Variants in HOOK3 observed in about 807,000 individuals in gnomAD.
The protein encoded by HOOK3 is protein Hook homolog 3.
HOOK3 carries 24 observed loss-of-function variants against 116.3 expected under a neutral mutation model. That is an observed-to-expected ratio of 0.21 (90% CI 0.15 to 0.29). HOOK3 has a LOEUF of 0.29. HOOK3 is among the 10% of genes least tolerant of loss of function. The pLI, the probability that HOOK3 is intolerant of heterozygous loss-of-function variation, is 1.00. For missense variants in HOOK3, 632 were observed against 830.2 expected, an observed-to-expected ratio of 0.76 and a Z score of 2.93; for synonymous variants, 275 against 283.0, an observed-to-expected ratio of 0.97 and a Z score of 0.28.
intron 6 of HOOK3, among the ~76,000 whole-genome samples, chr8:42,953,739 G>A (rs184567673): frequency 1.3e-5 from 2 of 151,946 alleles, no homozygotes; most frequent in Admixed American, 6.6e-5. Flanking sequence ...ACTTAAAGTG[G>A]TTAAAATGGC....
At chr8:42,907,549 G>T (rs904652729) in intron 2 of HOOK3, among the ~76,000 whole-genome samples, 1 of 151,974 alleles carries the variant, frequency 6.6e-6, no homozygotes, top group Non-Finnish European at 1.5e-5. Flanking sequence ...CCTAATTTTA[G>T]CTTTCCCATT....
At chr8:42,993,517 A>G (rs1809207004) in intron 15 of HOOK3, among the ~76,000 whole-genome samples, 1 of 152,128 alleles carries the variant, frequency 6.6e-6, no homozygotes, top group Admixed American at 6.6e-5. Flanking sequence ...AATATTTGCC[A>G]CATAGAATGA....
intron 8 of HOOK3, 46 bp downstream of exon 8, chr8:42,959,360 T>C (rs757372547): frequency 5.9e-6 from 7 of 1,179,796 alleles, no homozygotes; most frequent in Non-Finnish European, 8.9e-6. Flanking sequence ...CATACCACTG[T>C]AAATACCACC....
chr8:42,989,942 T>C (rs1809124761), intron 15 of HOOK3, among the ~76,000 whole-genome samples: 1 of 152,212 alleles, frequency 6.6e-6, no homozygotes, highest in Non-Finnish European at 1.5e-5. Flanking sequence ...GGCTAAATAG[T>C]GCTACATTGT....
chr8:42,994,262 C>A (rs188675823), intron 15 of HOOK3, among the ~76,000 whole-genome samples: 356 of 151,980 alleles, frequency 2.3e-3, no homozygotes, highest in African/African-American at 8.4e-3. Context: ...GTGATCCACC[C>A]ACATTGGCCT....
At chr8:42,943,785 T>C (rs1808173164) in intron 5 of HOOK3, among the ~76,000 whole-genome samples, 1 of 152,206 alleles carries the variant, frequency 6.6e-6, no homozygotes, top group Non-Finnish European at 1.5e-5. Context: ...GTTTAATAGA[T>C]ATTCAGGTCT....
chr8:43,006,196 A>G (rs1357662751), intron 17 of HOOK3, among the ~76,000 whole-genome samples: 2 of 147,296 alleles, frequency 1.4e-5, no homozygotes, highest in Middle Eastern at 3.3e-3. Context: ...AATTTTTTGT[A>G]TTTTTAGTAG....
At chr8:42,994,382 T>C in intron 15 of HOOK3, 1 of 380,274 alleles carries the variant, frequency 2.6e-6, no homozygotes, top group Non-Finnish European at 5.1e-6. Context: ...TCTAGTTCAT[T>C]CAGTGGCATC....
chr8:42,957,332 TAA>T (rs1222242139), intron 7 of HOOK3, among the ~76,000 whole-genome samples, 176 bp downstream of exon 7: 2 of 152,194 alleles, frequency 1.3e-5, no homozygotes, highest in Non-Finnish European at 2.9e-5. Context: ...CATTTATAAT[TAA>T]GTTTATAATT....
intron 15 of HOOK3, among the ~76,000 whole-genome samples, chr8:42,995,102 G>T (rs543858719): frequency 6.6e-6 from 1 of 152,222 alleles, no homozygotes; most frequent in African/African-American, 2.4e-5. Context: ...AAACCACTCA[G>T]ATTTTTTTAC....
At chr8:42,994,456 C>T (rs1401207023) in intron 15 of HOOK3, 10 of 412,676 alleles carry the variant, frequency 2.4e-5, no homozygotes, top group Non-Finnish European at 4.4e-5. Flanking sequence ...ATAAATTTCC[C>T]TCTTACTACG....
At chr8:42,934,533 C>T (rs1052362303) in intron 4 of HOOK3, among the ~76,000 whole-genome samples, 3 of 152,052 alleles carry the variant, frequency 2.0e-5, no homozygotes, top group African/African-American at 7.2e-5. Flanking sequence ...CTAATGCTAT[C>T]CCTCCCCTAG....
chr8:42,906,457 A>T (rs1482450257), intron 2 of HOOK3, among the ~76,000 whole-genome samples, 199 bp downstream of exon 2: 1 of 151,978 alleles, frequency 6.6e-6, no homozygotes, highest in Non-Finnish European at 1.5e-5. Context: ...TTGTGTTAGT[A>T]CTCTAATGGT....
intron 3 of HOOK3, among the ~76,000 whole-genome samples, chr8:42,928,115 C>A (rs1807803693): frequency 1.3e-5 from 2 of 152,072 alleles, no homozygotes; most frequent in South Asian, 4.1e-4. Context: ...CCCCATTGTA[C>A]TAAAAATACA....
At chr8:42,926,925 C>T (rs1807777309) in intron 3 of HOOK3, among the ~76,000 whole-genome samples, 1 of 152,164 alleles carries the variant, frequency 6.6e-6, no homozygotes. Context: ...CCCGTGCAAC[C>T]CCTAATTTGT....
At chr8:42,927,010 G>A (rs958689419) in intron 3 of HOOK3, among the ~76,000 whole-genome samples, 22 of 152,272 alleles carry the variant, frequency 1.4e-4, no homozygotes, top group African/African-American at 5.3e-4. Flanking sequence ...GCAGTGTGGA[G>A]AAACCTGCGA....
At position 42,973,335 on chromosome 8, in the gene HOOK3, A is replaced by G. The variant is rs774202204; in HGVS notation, c.1169A>G (p.Asp390Gly). The G allele has an allele frequency of 1.9e-6, 3 of 1,613,140 alleles. No homozygotes were observed. Among genetic ancestry groups the G allele is most frequent in the South Asian group, 2.2e-5 (2 of 90,942 alleles). Residue 390 changes from aspartate (D) to glycine (G), a missense_variant, in exon 12 of 22, where the codon GAT (aspartate) becomes GGT (glycine). Transcript: ENST00000307602. ...TTATCCGAAGAATCAAAGAAAGCAG[A>G]TAAACTAGATTTTGAATATAAGCGG... ...NRLSEESKKA[D>G]KLDFEYKRLK...
At chr8:42,901,998 G>A (rs1424761313) in intron 1 of HOOK3, among the ~76,000 whole-genome samples, 4 of 151,754 alleles carry the variant, frequency 2.6e-5, no homozygotes, top group South Asian at 4.2e-4. Flanking sequence ...GTGAGCCACC[G>A]TGCCAGGCCC....
chr8:42,897,293 C>A, intron 1 of HOOK3, 105 bp downstream of exon 1: 2 of 734,912 alleles, frequency 2.7e-6, no homozygotes, highest in Non-Finnish European at 3.7e-6. Context: ...ACGGTGCCGT[C>A]ACATCCGGGG....
Sources: gnomAD v4.1 joint callset for allele counts (sites outside exome capture counted in the v4.1 genomes callset) on GRCh38, gnomAD v4.1.1 for gene constraint, MANE v1.5 for transcripts, NCBI Gene and HGNC (gene_info 2026-07-23, HGNC 2026-07-21) for gene names.